Variants in SLC15A5 observed in about 807,000 individuals in gnomAD.
SLC15A5 encodes Peptide/histidine transporter ENSP00000340402.
SLC15A5 carries 58 observed loss-of-function variants against 56.1 expected under a neutral mutation model. The ratio of observed to expected loss-of-function variants is 1.03; its 90% CI spans 0.84 to 1.29. The LOEUF (loss-of-function observed/expected upper bound fraction) is 1.29, where lower values mean the gene tolerates loss of function less well. Among genes scored for constraint, SLC15A5 ranks in the 50% most tolerant of loss-of-function variants. The pLI is 0.00. For missense variants in SLC15A5, 681 were observed against 672.1 expected, an observed-to-expected ratio of 1.01 and a Z score of -0.15; for synonymous variants, 264 against 250.5, an observed-to-expected ratio of 1.05 and a Z score of -0.51.
intron 3 of SLC15A5, among the ~76,000 whole-genome samples, chr12:16,255,234 G>A (rs1864558857): frequency 6.6e-6 from 1 of 151,888 alleles, no homozygotes; most frequent in Admixed American, 6.6e-5. Flanking sequence ...TATATTATGT[G>A]TTTTTTTACC....
intron 7 of SLC15A5, among the ~76,000 whole-genome samples, chr12:16,212,359 C>T (rs971141336): frequency 2.6e-5 from 4 of 152,118 alleles, no homozygotes; most frequent in African/African-American, 9.7e-5. Context: ...TACTGACCTA[C>T]CCAAAGCCAT....
At chr12:16,257,968 T>A in intron 2 of SLC15A5, 98 bp from the exon 3 acceptor site, 2 of 1,136,728 alleles carry the variant, frequency 1.8e-6, no homozygotes, top group Non-Finnish European at 2.3e-6. Context: ...AACTACCAAA[T>A]GATGGCATGT....
chr12:16,223,411 A>G (rs1436924430), intron 6 of SLC15A5, among the ~76,000 whole-genome samples: 1 of 152,226 alleles, frequency 6.6e-6, no homozygotes, highest in African/African-American at 2.4e-5. Flanking sequence ...CATAAGATGT[A>G]ATCAATTACA....
chr12:16,223,617 A>G (rs1200003707), intron 6 of SLC15A5, among the ~76,000 whole-genome samples: 1 of 152,208 alleles, frequency 6.6e-6, no homozygotes. Context: ...TTTAATTCAA[A>G]GACATCAAGT....
intron 3 of SLC15A5, among the ~76,000 whole-genome samples, chr12:16,250,900 A>G (rs1305666777): frequency 6.6e-6 from 1 of 151,982 alleles, no homozygotes; most frequent in South Asian, 2.1e-4. Context: ...ATAAGCCCCA[A>G]TGAAAGACAA....
rs903238042 is a variant in SLC15A5 at position 16,257,844 on chromosome 12, GCATTTAGGTT to G, written c.601_610del (p.Asn201GlnfsTer32). ...AGATATTCCCAGAAACACAATAGTT[GCATTTAGGTT>G]CATGAGCCAATAAAACCTGGGGTAT... On this transcript the variant is annotated frameshift_variant, in exon 3 of 9. Transcript: ENST00000344941. LOFTEE classifies it high-confidence loss of function. 5.3e-6 allele frequency: 8 copies of G among 1,502,412 alleles called. No homozygotes were observed. The African/African-American group carries it at 1.1e-4, about 21-fold the overall frequency. 93.1% of individuals were successfully genotyped at this position (1,502,412 alleles called of 1,614,324 possible).
intron 7 of SLC15A5, among the ~76,000 whole-genome samples, chr12:16,200,755 A>G (rs1863947146): frequency 1.3e-5 from 2 of 152,162 alleles, no homozygotes; most frequent in Non-Finnish European, 2.9e-5. Context: ...AACTCTACCC[A>G]GAAGCACATT....
intron 3 of SLC15A5, among the ~76,000 whole-genome samples, chr12:16,255,863 C>G (rs191460224): frequency 9.9e-4 from 150 of 151,988 alleles, no homozygotes; most frequent in African/African-American, 3.6e-3. Flanking sequence ...ATATATATGC[C>G]TACATGCACC....
In SLC15A5 at chr12:16,237,038, C is replaced by T. The variant is rs1864358957; in HGVS notation, c.1162+2643G>A. ...TAAATGTAATATGTGTATGAAGGTT[C>T]CTAAATTCAAATTAGGAACTCACAA... is the stretch of plus-strand genomic sequence containing the variant. On this transcript the variant is annotated intron_variant, in intron 5 of 8. Transcript: ENST00000344941. The surrounding 1 kb of genome is among the most constrained non-coding windows in gnomAD (Gnocchi z 4.1). 6.6e-6 allele frequency among the ~76,000 whole-genome samples: 1 copy of T among 152,044 alleles called. No individual in the cohort carries two copies. Among genetic ancestry groups the T allele is most frequent in the Non-Finnish European group, 1.5e-5 (1 of 67,986 alleles).
chr12:16,190,995 C>T (rs1490838726), intron 8 of SLC15A5, among the ~76,000 whole-genome samples: 3 of 152,090 alleles, frequency 2.0e-5, no homozygotes, highest in Admixed American at 2.0e-4. Flanking sequence ...TTTATTTTAG[C>T]ACCAAATGTG....
At chr12:16,276,802 T>G in intron 1 of SLC15A5, among the ~76,000 whole-genome samples, 1 of 152,172 alleles carries the variant, frequency 6.6e-6, no homozygotes, top group South Asian at 2.1e-4. Flanking sequence ...TCTAATTTAC[T>G]CATTTCTAAA....
In SLC15A5 at chr12:16,251,324, G is replaced by A. The variant is rs1035908222; in HGVS notation, c.754+6377C>T. On this transcript the variant is annotated intron_variant, in intron 3 of 8. Transcript: ENST00000344941. ...ACAACACAAAGTCAGAAGAAAGAAG[G>A]AAATAATAAAGATTAGAGCAGAGAT... Among the ~76,000 whole-genome samples the A allele has an allele frequency of 1.4e-4, 21 of 151,702 alleles. 1 individual carries two copies. The highest frequency in any genetic ancestry group is 5.1e-4 in the African/African-American group (21 of 41,446).
At chr12:16,244,999 G>C (rs1252414475) in intron 3 of SLC15A5, among the ~76,000 whole-genome samples, 199 bp from the exon 4 acceptor site, 1 of 152,210 alleles carries the variant, frequency 6.6e-6, no homozygotes, top group Admixed American at 6.5e-5. Flanking sequence ...GTGGCACCTA[G>C]CAGTTGATGT....
chr12:16,229,455 A>G (rs1864273131), intron 5 of SLC15A5, among the ~76,000 whole-genome samples: 1 of 152,120 alleles, frequency 6.6e-6, no homozygotes, highest in Non-Finnish European at 1.5e-5. Flanking sequence ...TCTAAATTAG[A>G]TCCCATAACA....
chr12:16,232,531 A>G (rs1301635662), intron 5 of SLC15A5, among the ~76,000 whole-genome samples: 1 of 152,228 alleles, frequency 6.6e-6, no homozygotes, highest in Non-Finnish European at 1.5e-5. Flanking sequence ...CCAAAGTACA[A>G]TAAGATGAAA....
intron 2 of SLC15A5, among the ~76,000 whole-genome samples, chr12:16,268,442 A>G (rs866443939): frequency 1.3e-5 from 2 of 152,214 alleles, no homozygotes; most frequent in African/African-American, 4.8e-5. Flanking sequence ...TGATTTTTTC[A>G]TAGCTATTTA....
intron 5 of SLC15A5, among the ~76,000 whole-genome samples, chr12:16,229,558 T>G (rs1290841412): frequency 6.6e-6 from 1 of 151,870 alleles, no homozygotes; most frequent in Non-Finnish European, 1.5e-5. Flanking sequence ...CATTGGAAGA[T>G]TCACAAGAAT....
Position 16,271,653 on chromosome 12 carries a change from AGAC to A in SLC15A5, c.584+905_584+907del, listed in dbSNP as rs1353306686. On this transcript the variant is annotated intron_variant, in intron 2 of 8. Transcript: ENST00000344941. This position sits in a 1 kb window ranked among gnomAD's most constrained non-coding sequence, Gnocchi z 8.0. ...TACATATGCCTATACATACACATAT[AGAC>A]ACTATTTACTCTAAAAATGGACAAT... Among the ~76,000 whole-genome samples the A allele has an allele frequency of 2.0e-5, 3 of 152,212 alleles. No individual in the cohort carries two copies. The highest frequency in any genetic ancestry group is 7.2e-5 in the African/African-American group (3 of 41,464).
chr12:16,272,539 T>C (rs1801377296), intron 2 of SLC15A5, 22 bp downstream of exon 2: 1 of 1,533,528 alleles, frequency 6.5e-7, no homozygotes. Context: ...GCCTCTTTTC[T>C]CTCCTAGCCA....
Sources: gnomAD v4.1 joint callset for allele counts (sites outside exome capture counted in the v4.1 genomes callset) on GRCh38, gnomAD v4.1.1 for gene constraint, Gnocchi (gnomAD v3.1) non-coding constraint, MANE v1.5 for transcripts, NCBI Gene and HGNC (gene_info 2026-07-23, HGNC 2026-07-21) for gene names.